Variants in DAB1 observed in about 807,000 individuals in gnomAD.
The protein encoded by DAB1 is DAB adaptor protein 1.
In DAB1, 15 loss-of-function variants were observed where a neutral mutation model predicts 64.6. The observed-to-expected ratio is 0.23, with a 90% CI of 0.16 to 0.36. The LOEUF is 0.36. DAB1 is among the 10% of genes least tolerant of loss of function. DAB1 has a pLI of 1.00. For missense variants in DAB1, 596 were observed against 706.7 expected, an observed-to-expected ratio of 0.84 and a Z score of 1.78; for synonymous variants, 235 against 251.9, an observed-to-expected ratio of 0.93 and a Z score of 0.64.
upstream of DAB1, among the ~76,000 whole-genome samples, chr1:57,888,070 G>A (rs1012148866): frequency 6.6e-6 from 1 of 152,080 alleles, no homozygotes; most frequent in Middle Eastern, 3.2e-3. Flanking sequence ...CTGCTGAATG[G>A]CATTCAGCTG....
intron 6 of DAB1, among the ~76,000 whole-genome samples, chr1:57,785,315 C>T (rs988209030): frequency 6.6e-6 from 1 of 152,120 alleles, no homozygotes; most frequent in African/African-American, 2.4e-5. Flanking sequence ...ATCCATTCTG[C>T]AGCCCATCAA....
chr1:58,074,775 T>C (rs1444492812), intron 5 of DAB1, among the ~76,000 whole-genome samples: 3 of 151,486 alleles, frequency 2.0e-5, no homozygotes, highest in Admixed American at 1.3e-4. Flanking sequence ...AATAAGAAAC[T>C]TTGCCACAGC....
At chr1:58,016,865 C>A (rs982425989) in intron 5 of DAB1, among the ~76,000 whole-genome samples, 8 of 152,186 alleles carry the variant, frequency 5.3e-5, no homozygotes, top group Admixed American at 5.2e-4. Flanking sequence ...CCTTGACGTA[C>A]AATAGATAAC....
chr1:57,203,704 G>T (rs1294045896), intron 2 of DAB1, among the ~76,000 whole-genome samples: 1 of 152,144 alleles, frequency 6.6e-6, no homozygotes. Context: ...CTCTGCACTG[G>T]ACTGCATTGT....
intron 7 of DAB1, among the ~76,000 whole-genome samples, chr1:57,638,306 A>G (rs1418300333): frequency 1.3e-5 from 2 of 152,218 alleles, no homozygotes; most frequent in Non-Finnish European, 2.9e-5. Context: ...TAACTTTATT[A>G]GAGTTAAATG....
chr1:57,483,487 G>A (rs1644049847), intron 7 of DAB1, among the ~76,000 whole-genome samples: 1 of 152,170 alleles, frequency 6.6e-6, no homozygotes, highest in Non-Finnish European at 1.5e-5. Context: ...CCCCAGCTAT[G>A]TGCAACTGTG....
upstream of DAB1, among the ~76,000 whole-genome samples, chr1:57,886,216 A>C (rs116304851): frequency 0.018 from 2,714 of 148,150 alleles, 74 homozygotes; most frequent in African/African-American, 0.064. Flanking sequence ...ACCAGTGCAG[A>C]GGCATAATCT....
At chr1:57,621,321 T>C (rs1349566527) in intron 7 of DAB1, among the ~76,000 whole-genome samples, 1 of 150,920 alleles carries the variant, frequency 6.6e-6, no homozygotes, top group Non-Finnish European at 1.5e-5. Context: ...GGCCTGAAAA[T>C]GATAAAAGGC....
At chr1:57,415,410 A>C (rs1057474655) in intron 1 of DAB1, among the ~76,000 whole-genome samples, 1 of 152,200 alleles carries the variant, frequency 6.6e-6, no homozygotes, top group Non-Finnish European at 1.5e-5. Context: ...GGCTTTCTGA[A>C]ACAAGACATA....
intron 1 of DAB1, among the ~76,000 whole-genome samples, chr1:57,326,529 G>GTACT (rs1354754694): frequency 6.6e-6 from 1 of 152,194 alleles, no homozygotes; most frequent in Non-Finnish European, 1.5e-5. Context: ...GAGGAAGACA[G>GTACT]AGTAGGCTGC....
intron 3 of DAB1, among the ~76,000 whole-genome samples, chr1:58,439,486 A>G (rs1644984051): frequency 6.6e-6 from 1 of 152,226 alleles, no homozygotes; most frequent in Non-Finnish European, 1.5e-5. Context: ...GCTTTTTGAG[A>G]ACAGAGATTG....
intron 5 of DAB1, among the ~76,000 whole-genome samples, chr1:57,893,759 T>G (rs1319928363): frequency 1.3e-5 from 2 of 152,202 alleles, no homozygotes; most frequent in East Asian, 1.9e-4. Flanking sequence ...GTCAGGAGGT[T>G]GTTAACTGTC....
intron 4 of DAB1, among the ~76,000 whole-genome samples, chr1:58,302,009 C>G (rs1202469696): frequency 6.6e-6 from 1 of 152,114 alleles, no homozygotes; most frequent in Non-Finnish European, 1.5e-5. Flanking sequence ...GCAGGGAAGT[C>G]TGGCCTCCTC....
At chr1:57,344,348 T>G (rs1352381704) in intron 1 of DAB1, among the ~76,000 whole-genome samples, 1 of 152,126 alleles carries the variant, frequency 6.6e-6, no homozygotes, top group East Asian at 1.9e-4. Context: ...TTAAAGAAAA[T>G]AAGCTAAGAT....
intron 3 of DAB1, among the ~76,000 whole-genome samples, chr1:58,452,958 G>T (rs932734176): frequency 1.3e-5 from 2 of 152,034 alleles, no homozygotes; most frequent in Non-Finnish European, 2.9e-5. Flanking sequence ...ACAAAATCCT[G>T]TACATAAATG....
chr1:57,322,770 T>G (rs890860846), intron 1 of DAB1, among the ~76,000 whole-genome samples: 2 of 152,182 alleles, frequency 1.3e-5, no homozygotes, highest in Non-Finnish European at 2.9e-5. Flanking sequence ...ATAAGCGTGA[T>G]GACAGGGGAC....
At chr1:57,398,637 A>C (rs367792925) in intron 1 of DAB1, among the ~76,000 whole-genome samples, 5 of 152,182 alleles carry the variant, frequency 3.3e-5, no homozygotes, top group Admixed American at 6.5e-5. Context: ...ATTTTTAAAA[A>C]TGTATTTCTT....
chr1:57,606,515 A>AT (rs1193142930), intron 7 of DAB1, among the ~76,000 whole-genome samples: 1 of 82,624 alleles, frequency 1.2e-5, no homozygotes, highest in African/African-American at 5.7e-5. Context: ...ATAATATAAT[A>AT]TATATAATAT....
intron 4 of DAB1, among the ~76,000 whole-genome samples, chr1:57,101,074 A>G (rs563219269): frequency 3.3e-5 from 5 of 152,170 alleles, no homozygotes; most frequent in South Asian, 2.1e-4. Context: ...GTCTGACCCC[A>G]CAGCCCATCC....
Sources: gnomAD v4.1 joint callset for allele counts (sites outside exome capture counted in the v4.1 genomes callset) on GRCh38, gnomAD v4.1.1 for gene constraint, MANE v1.5 for transcripts, NCBI Gene and HGNC (gene_info 2026-07-23, HGNC 2026-07-21) for gene names.